JPH3: variants seen among roughly 807,000 people sequenced by gnomAD.
JPH3 encodes junctophilin 3.
JPH3 carries 11 observed loss-of-function variants against 59.6 expected under a neutral mutation model. The ratio of observed to expected loss-of-function variants is 0.18; its 90% confidence interval spans 0.12 to 0.31. The LOEUF (loss-of-function observed/expected upper bound fraction) is 0.31. Among genes scored for constraint, JPH3 ranks in the 10% least tolerant of loss-of-function variants. The probability of loss-of-function intolerance (pLI) is 1.00; values close to 1 mark genes in which losing one functional copy is unlikely to be tolerated. For missense variants in JPH3, 1,202 were observed against 1,105.7 expected (o/e 1.09, Z -1.24); for synonymous variants, 673 against 483.6 (o/e 1.39, Z -5.14).
chr16:87,636,342 T>A (rs919173257), intron 1 of JPH3, among the ~76,000 whole-genome samples: 8 of 152,250 alleles, frequency 5.3e-5, no homozygotes, highest in African/African-American at 1.9e-4. Flanking sequence ...GCCAAGGAAC[T>A]GAGCCCAGAC....
chr16:87,663,724 C>G (rs1269666156), intron 2 of JPH3, among the ~76,000 whole-genome samples: 2 of 152,232 alleles, frequency 1.3e-5, no homozygotes, highest in African/African-American at 2.4e-5. Flanking sequence ...CTCTGCCACT[C>G]TGCACCAGCT....
intron 2 of JPH3, among the ~76,000 whole-genome samples, chr16:87,677,432 T>C (rs953610378): frequency 1.3e-5 from 2 of 152,006 alleles, no homozygotes; most frequent in Non-Finnish European, 2.9e-5. Context: ...TAAAAAAAAC[T>C]CGCCCACCAG....
At chr16:87,695,546 G>C in intron 4 of JPH3, 3 of 454,694 alleles carry the variant, frequency 6.6e-6, no homozygotes, top group Non-Finnish European at 1.3e-5. Flanking sequence ...GGTGGGGAGA[G>C]GCAGGGGCAA....
intron 1 of JPH3, among the ~76,000 whole-genome samples, chr16:87,642,406 C>T (rs1052628606): frequency 1.3e-5 from 2 of 152,194 alleles, no homozygotes; most frequent in Non-Finnish European, 2.9e-5. Flanking sequence ...TCGGGGTGGC[C>T]AGGTCCTCAT....
intron 2 of JPH3, among the ~76,000 whole-genome samples, chr16:87,673,692 G>C (rs2033073656): frequency 2.0e-5 from 3 of 152,194 alleles, no homozygotes; most frequent in African/African-American, 7.2e-5. Flanking sequence ...TTGGGAGGCT[G>C]AGGCGAGAGG....
chr16:87,630,981 T>C (rs2031547783), intron 1 of JPH3, among the ~76,000 whole-genome samples: 1 of 152,254 alleles, frequency 6.6e-6, no homozygotes, highest in African/African-American at 2.4e-5. Context: ...TTCTGTACAC[T>C]TCTCATGCAT....
chr16:87,668,456 C>A (rs2032932029), intron 2 of JPH3, among the ~76,000 whole-genome samples: 1 of 152,210 alleles, frequency 6.6e-6, no homozygotes, highest in Non-Finnish European at 1.5e-5. Flanking sequence ...CTTCACTGAG[C>A]CTTCATGCCT....
intron 2 of JPH3, among the ~76,000 whole-genome samples, chr16:87,648,737 C>G (rs981408847): frequency 6.6e-6 from 1 of 152,196 alleles, no homozygotes; most frequent in Non-Finnish European, 1.5e-5. Flanking sequence ...TGGATACCCT[C>G]CTCGGCCATG....
intron 1 of JPH3, among the ~76,000 whole-genome samples, chr16:87,619,804 C>T (rs2031105637): frequency 6.6e-6 from 1 of 152,186 alleles, no homozygotes; most frequent in African/African-American, 2.4e-5. Flanking sequence ...GGAATAGGAC[C>T]CGTCAGTCAG....
intron 1 of JPH3, among the ~76,000 whole-genome samples, chr16:87,612,607 C>T (rs1237572485): frequency 3.3e-5 from 5 of 152,108 alleles, no homozygotes; most frequent in African/African-American, 7.2e-5. Context: ...AACTTTAAGG[C>T]GGGGGTCTCA....
intron 1 of JPH3, chr16:87,604,282 A>T: frequency 7.7e-7 from 1 of 1,304,998 alleles, no homozygotes; most frequent in East Asian, 3.5e-5. Flanking sequence ...GAAGCCAGGG[A>T]GCTGCCTGCT....
intron 2 of JPH3, among the ~76,000 whole-genome samples, chr16:87,658,762 C>A (rs545605913): frequency 6.6e-6 from 1 of 152,346 alleles, no homozygotes; most frequent in East Asian, 1.9e-4. Flanking sequence ...CCTCTCTCCT[C>A]CAGCCACCCC....
At chr16:87,618,743 C>G (rs1317698941) in intron 1 of JPH3, among the ~76,000 whole-genome samples, 1 of 152,156 alleles carries the variant, frequency 6.6e-6, no homozygotes, top group African/African-American at 2.4e-5. Context: ...CTTGTCGGCC[C>G]ATTGGTACAT....
Position 87,630,878 on chromosome 16 carries a change from A to G in JPH3, c.383-13380A>G, listed in dbSNP as rs79295079. Among the ~76,000 whole-genome samples, 787 of 152,314 alleles carry G rather than the reference A, an allele frequency of 5.2e-3. 7 individuals carry two copies. Among genetic ancestry groups the G allele is most frequent in the African/African-American group, 0.018 (741 of 41,572 alleles). ...CACTCCCAGCTATCTCAATATTGCT[A>G]TATTGCATTTTTTGTTGTTAAATCC... On this transcript the variant is annotated intron_variant, in intron 1 of 4. Transcript: ENST00000284262.
chr16:87,627,239 G>T (rs913442642), intron 1 of JPH3, among the ~76,000 whole-genome samples: 2 of 152,220 alleles, frequency 1.3e-5, no homozygotes, highest in African/African-American at 4.8e-5. Context: ...ACGTTGTGGG[G>T]CCCCAGCCCC....
chr16:87,689,891 C>T lies in JPH3; in HGVS notation c.1531C>T (p.Arg511Trp), dbSNP rs1052306184. The T allele has an allele frequency of 8.1e-6, 12 of 1,477,098 alleles. No homozygotes were observed. In the East Asian group the frequency reaches 9.9e-5, roughly 12 times the overall value. The allele number at this position is 1,477,098 out of a possible 1,614,324, so 91.5% of individuals were successfully genotyped here. Reference sequence around the variant, plus strand: ...GAGGCAGGTGTCGGTGGACGAGGAGCGGGGCGGGGACATCCAGATGCTCCT... The same window carrying T: ...GAGGCAGGTGTCGGTGGACGAGGAGTGGGGCGGGGACATCCAGATGCTCCT... ...FSRQVSVDEE[R>W]GGDIQMLLEG... Residue 511 changes from arginine (R) to tryptophan (W), a missense_variant, in exon 4 of 5, where the codon CGG (arginine) becomes TGG (tryptophan). Arg to Trp is a moderately radical substitution (Grantham distance 101, BLOSUM62 -3). Transcript: ENST00000284262.
chr16:87,630,416 A>T (rs1193744034), intron 1 of JPH3, among the ~76,000 whole-genome samples: 1 of 152,046 alleles, frequency 6.6e-6, no homozygotes, highest in Non-Finnish European at 1.5e-5. Context: ...GAGATCACGA[A>T]CCTGCCCCTT....
chr16:87,639,630 T>TCCTGGCCTCCCG lies in JPH3; in HGVS notation c.383-4623_383-4612dup, dbSNP rs1187738163. 3.3e-3 allele frequency among the ~76,000 whole-genome samples: 489 copies of TCCTGGCCTCCCG among 147,618 alleles called. 6 individuals carry two copies. Among genetic ancestry groups the TCCTGGCCTCCCG allele is most frequent in the African/African-American group, 0.012 (447 of 38,364 alleles). On this transcript the variant is annotated intron_variant, in intron 1 of 4. Coordinates refer to ENST00000284262, the MANE Select transcript of JPH3 (RefSeq NM_020655.4). ...CTCCTGTCCTCCCTCCTGGCCTCCC[T>TCCTGGCCTCCCG]CCTGGCCTCCCGCCTGTCCTCCCGC...
At chr16:87,649,076 G>C (rs181693398) in intron 2 of JPH3, among the ~76,000 whole-genome samples, 2 of 152,342 alleles carry the variant, frequency 1.3e-5, no homozygotes, top group East Asian at 1.9e-4. Context: ...GACGAGGGAG[G>C]GGTGAAGCTG....
Sources: gnomAD v4.1 joint callset for allele counts (sites outside exome capture counted in the v4.1 genomes callset) on GRCh38, gnomAD v4.1.1 for gene constraint, MANE v1.5 for transcripts, NCBI Gene and HGNC (gene_info 2026-07-23, HGNC 2026-07-21) for gene names.